Variants in HSPBP1 observed in about 807,000 individuals in gnomAD.
HSPBP1 encodes the protein hsp70-binding protein 1.
HSPBP1 carries 31 observed loss-of-function variants against 41.7 expected under a neutral mutation model. That is an observed-to-expected ratio of 0.74 (90% CI 0.56 to 1.00). HSPBP1 has a LOEUF of 1.00. Ranked by LOEUF, HSPBP1 falls within the 50% of genes least tolerant of loss-of-function variation. The pLI, the probability that HSPBP1 is intolerant of heterozygous loss-of-function variation, is 0.00. For missense variants in HSPBP1, 439 were observed against 487.9 expected (o/e 0.90, Z 0.94); for synonymous variants, 199 against 214.4 (o/e 0.93, Z 0.63).
intron 2 of HSPBP1, 49 bp downstream of exon 2, chr19:55,279,350 A>T (rs145821236): frequency 6.6e-7 from 1 of 1,509,538 alleles, no homozygotes; most frequent in Admixed American, 2.2e-5. Context: ...AGGCAACTCT[A>T]TCTGTCCCCA....
intron 4 of HSPBP1, among the ~76,000 whole-genome samples, chr19:55,269,380 CA>C (rs1409443233): frequency 6.6e-6 from 1 of 152,186 alleles, no homozygotes; most frequent in African/African-American, 2.4e-5. Context: ...CATAACCCCC[CA>C]GCTCACCGCC....
chr19:55,264,199 C>G (rs2087715508), intron 7 of HSPBP1, among the ~76,000 whole-genome samples: 1 of 152,090 alleles, frequency 6.6e-6, no homozygotes, highest in African/African-American at 2.4e-5. Flanking sequence ...GAACTCCTGA[C>G]CTCATGATTT....
intron 1 of HSPBP1, 129 bp from the exon 2 acceptor site, chr19:55,279,831 T>A (rs2088185344): frequency 3.8e-6 from 4 of 1,045,900 alleles, no homozygotes; most frequent in Non-Finnish European, 5.6e-6. Flanking sequence ...CCCAAAGTCA[T>A]AAGCCTCTCC....
At position 55,270,932 on chromosome 19, in the gene HSPBP1, G is replaced by GT. The variant is rs2087908485; in HGVS notation, c.640+3465dup. ...ATATACCACACACCACACAACCCATGTACACGCTACACTAACACACGACAC... is the reference window on the plus strand; with the variant it reads ...ATATACCACACACCACACAACCCATGTTACACGCTACACTAACACACGACAC... On this transcript the variant is annotated intron_variant, in intron 4 of 7. Transcript: ENST00000433386. The surrounding 1 kb of genome is among the most constrained non-coding windows in gnomAD (Gnocchi z 5.4). Among the ~76,000 whole-genome samples the GT allele has an allele frequency of 6.7e-6, 1 of 148,432 alleles. No individual in the cohort carries two copies. The highest frequency in any genetic ancestry group is 2.5e-5 in the African/African-American group (1 of 39,968).
At chr19:55,264,015 C>G (rs1273910293) in intron 7 of HSPBP1, among the ~76,000 whole-genome samples, 1 of 146,268 alleles carries the variant, frequency 6.8e-6, no homozygotes. Context: ...GTCGCCCAGG[C>G]TGGAGTGCAG....
Position 55,268,627 on chromosome 19 carries a change from T to G in HSPBP1, c.641-2341A>C, listed in dbSNP as rs2087846145. On this transcript the variant is annotated intron_variant, in intron 4 of 7. Transcript: ENST00000433386. This position sits in a 1 kb window ranked among gnomAD's most constrained non-coding sequence, Gnocchi z 4.5. Reference sequence around the variant, plus strand: ...AGTCCATATTAATTACACATTGAAATTATAATAGTTTGGACATATTGGGTT... The same window carrying G: ...AGTCCATATTAATTACACATTGAAAGTATAATAGTTTGGACATATTGGGTT... Among the ~76,000 whole-genome samples, 1 of 152,186 alleles carries G rather than the reference T, an allele frequency of 6.6e-6. No homozygotes were observed. The highest frequency in any genetic ancestry group is 1.5e-5 in the Non-Finnish European group (1 of 68,030).
chr19:55,265,278 C>G lies in HSPBP1; in HGVS notation c.1005G>C (p.Gln335His). ...CQLLQQHEEY[Q>H]EELEFCEKLL... ...TGCACCCCGTCCCCTCCCCATGTAC[C>G]TGGTACTCCTCATGCTGCTGCAGCA... The change falls in exon 7 of 8, where the codon CAG (glutamine) becomes CAC (histidine). Residue 335 changes from glutamine (Q) to histidine (H), a missense_variant and splice_region_variant. Physicochemically the swap from Gln to His is conservative, Grantham distance 24. Coordinates refer to ENST00000433386, the MANE Select transcript of HSPBP1 (RefSeq NM_012267.5). The G allele has an allele frequency of 6.2e-7, 1 of 1,608,046 alleles. No homozygotes were observed.
At chr19:55,271,211 A>C (rs1329991535) in intron 4 of HSPBP1, among the ~76,000 whole-genome samples, 4 of 151,858 alleles carry the variant, frequency 2.6e-5, no homozygotes, top group African/African-American at 9.7e-5. Flanking sequence ...AAAAATATGT[A>C]ATGACTTTTT....
intron 4 of HSPBP1, among the ~76,000 whole-genome samples, chr19:55,266,505 T>C (rs1040473685): frequency 4.1e-3 from 64 of 15,612 alleles, no homozygotes; most frequent in African/African-American, 0.011. Flanking sequence ...ACTATCACCA[T>C]CACCACCACC....
Position 55,265,458 on chromosome 19 carries a change from C to T in HSPBP1, c.894-69G>A, listed in dbSNP as rs1047239664. 7 of 1,172,630 alleles carry T rather than the reference C, an allele frequency of 6.0e-6. No homozygotes were observed. In the Admixed American group the frequency reaches 6.8e-5, roughly 11 times the overall value. The allele number at this position is 1,172,630 out of a possible 1,614,324, so 72.6% of individuals were successfully genotyped here. On this transcript the variant is annotated intron_variant, in intron 6 of 7. Transcript: ENST00000433386. ...GCCTCACTGACCCAACCCTATCGCC[C>T]GCCCCGTCCCCTGGCTCACTCAGGA...
At position 55,277,626 on chromosome 19, in the gene HSPBP1, G is replaced by T; in HGVS notation, c.415+16C>A. Reference sequence around the variant, plus strand: ...GTACAGAGGGGCAGAACGTCCTGGCGGGGGAAGCGGGGTACCTGCGGCATT... The same window carrying T: ...GTACAGAGGGGCAGAACGTCCTGGCTGGGGAAGCGGGGTACCTGCGGCATT... On this transcript the variant is annotated intron_variant, in intron 3 of 7. Transcript: ENST00000433386. The T allele has an allele frequency of 1.3e-6, 2 of 1,598,136 alleles. No homozygotes were observed. Among genetic ancestry groups the T allele is most frequent in the South Asian group, 1.1e-5 (1 of 88,694 alleles).
chr19:55,275,215 A>G (rs944543898), intron 3 of HSPBP1, among the ~76,000 whole-genome samples: 10 of 152,124 alleles, frequency 6.6e-5, no homozygotes, highest in African/African-American at 2.2e-4. Context: ...CTTTGTGACA[A>G]TCTGAATGTC....
Position 55,262,508 on chromosome 19 carries a change from A to C in HSPBP1, c.*100T>G. On this transcript the variant is annotated 3_prime_UTR_variant, in exon 8 of 8. Transcript: ENST00000433386. ...GGGCTGGCACACCCTGGGTCCAGGC[A>C]CCTAGGCCCTGCGATCCCTTGGGAG... The C allele has an allele frequency of 6.5e-7, 1 of 1,541,894 alleles. No homozygotes were observed. The highest frequency in any genetic ancestry group is 1.2e-5 in the South Asian group (1 of 81,730).
intron 3 of HSPBP1, among the ~76,000 whole-genome samples, chr19:55,276,375 T>C (rs961777989): frequency 6.6e-6 from 1 of 152,148 alleles, no homozygotes; most frequent in Non-Finnish European, 1.5e-5. Context: ...CTGAATTGAC[T>C]GTAAGTGGTA....
At position 55,262,572 on chromosome 19, in the gene HSPBP1, G is replaced by A. The variant is rs1381414019; in HGVS notation, c.*36C>T. 3 of 1,610,564 alleles carry A rather than the reference G, an allele frequency of 1.9e-6. No homozygotes were observed. The highest frequency in any genetic ancestry group is 1.7e-6 in the Non-Finnish European group (2 of 1,178,336). On this transcript the variant is annotated 3_prime_UTR_variant, in exon 8 of 8. Coordinates refer to ENST00000433386, the MANE Select transcript of HSPBP1 (RefSeq NM_012267.5). ...TGGGGAGGGAGGCAAGAGGCCTGGG[G>A]TTCCCACGGAGAAGGGGGCAAGAAG... is the stretch of plus-strand genomic sequence containing the variant.
intron 4 of HSPBP1, among the ~76,000 whole-genome samples, chr19:55,266,801 C>T (rs953462206): frequency 3.3e-5 from 5 of 152,170 alleles, no homozygotes; most frequent in Admixed American, 6.5e-5. Context: ...GTATAACCAT[C>T]ACCACTAACT....
At chr19:55,263,023 T>C (rs187385709) in intron 7 of HSPBP1, among the ~76,000 whole-genome samples, 156 of 152,138 alleles carry the variant, frequency 1.0e-3, no homozygotes, top group Middle Eastern at 3.4e-3. Context: ...AAGAAAGCAC[T>C]GAGAGGTTAA....
chr19:55,277,628 G>A lies in HSPBP1; in HGVS notation c.415+14C>T. The A allele has an allele frequency of 6.3e-7, 1 of 1,599,398 alleles. No homozygotes were observed. The stretch of plus-strand genomic sequence containing the variant: ...ACAGAGGGGCAGAACGTCCTGGCGG[G>A]GGAAGCGGGGTACCTGCGGCATTGT... On this transcript the variant is annotated intron_variant, in intron 3 of 7. Transcript: ENST00000433386.
Position 55,270,861 on chromosome 19 carries a change from CCA to C in HSPBP1, c.640+3535_640+3536del. 6.6e-6 allele frequency among the ~76,000 whole-genome samples: 1 copy of C among 151,588 alleles called. No individual in the cohort carries two copies. The highest frequency in any genetic ancestry group is 1.9e-4 in the East Asian group (1 of 5,160). ...CATACATCCCCCCAGCACACACATC[CCA>C]CACACATACACATGCAACACACACA... On this transcript the variant is annotated intron_variant, in intron 4 of 7. Coordinates refer to ENST00000433386, the MANE Select transcript of HSPBP1 (RefSeq NM_012267.5). This position sits in a 1 kb window ranked among gnomAD's most constrained non-coding sequence, Gnocchi z 5.4.
Sources: gnomAD v4.1 joint callset for allele counts (sites outside exome capture counted in the v4.1 genomes callset) on GRCh38, gnomAD v4.1.1 for gene constraint, Gnocchi (gnomAD v3.1) non-coding constraint, MANE v1.5 for transcripts, NCBI Gene and HGNC (gene_info 2026-07-23, HGNC 2026-07-21) for gene names.